STPG2: variants seen among roughly 807,000 people sequenced by gnomAD.
The protein encoded by STPG2 is sperm tail PG-rich repeat containing 2, also known as sperm-tail PG-rich repeat-containing protein 2.
In STPG2, 56 loss-of-function variants were observed where a neutral mutation model predicts 54.2. The observed-to-expected ratio is 1.03, with a 90% confidence interval of 0.83 to 1.29. The LOEUF (loss-of-function observed/expected upper bound fraction) is 1.29, where lower values mean the gene tolerates loss of function less well. Among genes scored for constraint, STPG2 ranks in the 50% most tolerant of loss-of-function variants. The pLI is 0.00. For synonymous variants in STPG2, 200 were observed against 181.8 expected (o/e 1.10, Z -0.81); for missense variants, 596 against 544.9 (o/e 1.09, Z -0.93).
chr4:97,555,100 A>C (rs2148869941), downstream of STPG2, among the ~76,000 whole-genome samples: 1 of 152,266 alleles, frequency 6.6e-6, no homozygotes, highest in Non-Finnish European at 1.5e-5. Context: ...CATCAACTTA[A>C]ATTTTTAAAA....
chr4:97,455,149 A>T (rs1313366324), intron 4 of STPG2, among the ~76,000 whole-genome samples: 1 of 152,046 alleles, frequency 6.6e-6, no homozygotes, highest in Admixed American at 6.6e-5. Context: ...AAACTAGAAA[A>T]CTCCTAGGAG....
At chr4:97,532,928 G>C (rs1437987749) in intron 4 of STPG2, among the ~76,000 whole-genome samples, 1 of 151,954 alleles carries the variant, frequency 6.6e-6, no homozygotes, top group Non-Finnish European at 1.5e-5. Flanking sequence ...TGTCACCCAG[G>C]CTGGAGCGCA....
rs1485124212 is a variant in STPG2, at chr4:97,586,900, A to ATGTATAC, written c.1321-27784_1321-27783insGTATACA. ...AAGGAAGAAGAAACCACAGAGCAGA[A>ATGTATAC]ATATGGATACACTCAATAGACTTTC... On this transcript the variant is annotated intron_variant, in intron 10 of 10. Transcript: ENST00000295268. Among the ~76,000 whole-genome samples the ATGTATAC allele has an allele frequency of 1.3e-5, 2 of 151,958 alleles. 1 individual carries two copies. The highest frequency in any genetic ancestry group is 3.8e-4 in the East Asian group (2 of 5,200).
chr4:97,469,122 G>C (rs146606091), intron 4 of STPG2, among the ~76,000 whole-genome samples: 1 of 152,054 alleles, frequency 6.6e-6, no homozygotes, highest in Non-Finnish European at 1.5e-5. Context: ...GAAGCATTTT[G>C]TTTTAAACTC....
intron 9 of STPG2, among the ~76,000 whole-genome samples, chr4:97,763,786 C>T (rs750689718): frequency 1.9e-4 from 29 of 152,158 alleles, no homozygotes; most frequent in Non-Finnish European, 3.2e-4. Flanking sequence ...TTGCTGATTA[C>T]TTATCAATAG....
chr4:97,542,231 G>A (rs570258083), intron 4 of STPG2, among the ~76,000 whole-genome samples: 3 of 152,108 alleles, frequency 2.0e-5, no homozygotes, highest in African/African-American at 4.8e-5. Flanking sequence ...CTGACAAAGG[G>A]CTAATATCCA....
intron 9 of STPG2, among the ~76,000 whole-genome samples, chr4:97,792,485 C>T (rs1727034163): frequency 6.6e-6 from 1 of 152,148 alleles, no homozygotes; most frequent in African/African-American, 2.4e-5. Flanking sequence ...CTTGAAGCCA[C>T]CATCATCTCT....
chr4:97,868,917 T>C (rs1003893389), intron 8 of STPG2, among the ~76,000 whole-genome samples: 4 of 151,952 alleles, frequency 2.6e-5, no homozygotes, highest in Admixed American at 6.6e-5. Flanking sequence ...ATTTCAAAGC[T>C]TTTGCAGTAA....
intron 4 of STPG2, among the ~76,000 whole-genome samples, chr4:97,481,851 A>G (rs1730228832): frequency 6.6e-6 from 1 of 151,560 alleles, no homozygotes; most frequent in South Asian, 2.1e-4. Context: ...TTGACTTATT[A>G]AAGTGGCTAG....
intron 4 of STPG2, among the ~76,000 whole-genome samples, chr4:97,466,988 G>GA (rs935321020): frequency 2.6e-5 from 4 of 151,384 alleles, no homozygotes; most frequent in Non-Finnish European, 4.4e-5. Flanking sequence ...AATGTGTGAA[G>GA]AAAAAAAATA....
At chr4:98,056,839 C>G (rs1395313648) in intron 5 of STPG2, among the ~76,000 whole-genome samples, 1 of 152,030 alleles carries the variant, frequency 6.6e-6, no homozygotes, top group African/African-American at 2.4e-5. Context: ...GTAGCACTTG[C>G]CTCTTTACTC....
intron 8 of STPG2, among the ~76,000 whole-genome samples, chr4:97,929,956 C>G (rs2695470): frequency 0.84 from 127,433 of 152,076 alleles, 53,560 homozygotes; most frequent in Middle Eastern, 0.94. Flanking sequence ...CTGGAGTGCA[C>G]TGGCATGATC....
At chr4:97,815,222 G>T (rs1001861207) in intron 9 of STPG2, among the ~76,000 whole-genome samples, 1 of 151,964 alleles carries the variant, frequency 6.6e-6, no homozygotes, top group Non-Finnish European at 1.5e-5. Context: ...ACATTTACCG[G>T]TGTGTGTGTG....
chr4:98,130,001 G>C (rs567672398), intron 2 of STPG2, among the ~76,000 whole-genome samples: 9 of 151,498 alleles, frequency 5.9e-5, no homozygotes, highest in Middle Eastern at 3.4e-3. Context: ...GGGATTACAG[G>C]CACATGCCAC....
At chr4:97,577,279 A>G (rs1732746386) in intron 10 of STPG2, among the ~76,000 whole-genome samples, 1 of 152,190 alleles carries the variant, frequency 6.6e-6, no homozygotes. Context: ...TATGAAAAGG[A>G]CACATGCTCT....
chr4:97,474,828 C>T (rs1730031942), intron 4 of STPG2, among the ~76,000 whole-genome samples: 1 of 151,996 alleles, frequency 6.6e-6, no homozygotes, highest in South Asian at 2.1e-4. Flanking sequence ...TAGCAAATAA[C>T]TTTTTGTGTG....
intron 10 of STPG2, among the ~76,000 whole-genome samples, chr4:97,621,201 A>G (rs1734001322): frequency 6.6e-6 from 1 of 152,206 alleles, no homozygotes; most frequent in Non-Finnish European, 1.5e-5. Flanking sequence ...AAAGATCTAA[A>G]ATTAACAATC....
intron 8 of STPG2, 129 bp downstream of exon 8, chr4:97,943,768 C>T (rs890241781): frequency 7.1e-6 from 4 of 566,450 alleles, no homozygotes; most frequent in African/African-American, 2.0e-5. Flanking sequence ...ATAAAAGTAT[C>T]GGTCTAGCCA....
At chr4:98,123,703 C>T (rs1031721716) in intron 3 of STPG2, among the ~76,000 whole-genome samples, 1 of 152,098 alleles carries the variant, frequency 6.6e-6, no homozygotes, top group Non-Finnish European at 1.5e-5. Flanking sequence ...TCTATCAGGT[C>T]CAGGTGATTT....
Sources: gnomAD v4.1 joint callset for allele counts (sites outside exome capture counted in the v4.1 genomes callset) on GRCh38, gnomAD v4.1.1 for gene constraint, MANE v1.5 for transcripts, NCBI Gene and HGNC (gene_info 2026-07-23, HGNC 2026-07-21) for gene names.